Variants in PSMF1 observed in about 807,000 individuals in gnomAD.
PSMF1 encodes the protein proteasome inhibitor PI31 subunit.
PSMF1 carries 30 observed loss-of-function variants against 29.3 expected under a neutral mutation model. The ratio of observed to expected loss-of-function variants is 1.02; its 90% CI spans 0.77 to 1.39. The LOEUF is 1.39. Ranked by LOEUF, PSMF1 falls within the 40% of genes most tolerant of loss-of-function variation. PSMF1 has a pLI of 0.00. For synonymous variants in PSMF1, 134 were observed against 139.7 expected (o/e 0.96, Z 0.29); for missense variants, 344 against 357.5 (o/e 0.96, Z 0.31).
chr20:1,164,254 C>A lies in PSMF1; in HGVS notation c.606-64C>A. The A allele has an allele frequency of 6.7e-7, 1 of 1,497,288 alleles. No homozygotes were observed. 92.8% of individuals were successfully genotyped at this position (1,497,288 alleles called of 1,614,324 possible). A position where few individuals can be genotyped will look rare whatever the true frequency, so the allele number is the denominator to read the frequency against. On this transcript the variant is annotated intron_variant, in intron 5 of 6. Coordinates refer to ENST00000335877, the MANE Select transcript of PSMF1 (RefSeq NM_006814.5). This position sits in a 1 kb window ranked among gnomAD's most constrained non-coding sequence, Gnocchi z 4.1. The stretch of plus-strand genomic sequence containing the variant: ...CCATTCTTGGTGCATTGTAACCTCC[C>A]TCGCCTTTTCTCCAAGGGCAGTCCT...
chr20:1,118,592 G>T, upstream of PSMF1: 2 of 685,642 alleles, frequency 2.9e-6, no homozygotes, highest in South Asian at 5.0e-5. Context: ...CCGCTGTTGG[G>T]ACTACTTCCG....
At chr20:1,158,468 A>C (rs941550091) in intron 4 of PSMF1, among the ~76,000 whole-genome samples, 1 of 152,220 alleles carries the variant, frequency 6.6e-6, no homozygotes, top group East Asian at 1.9e-4. Flanking sequence ...CCCAATGTCC[A>C]GAGCGCATCT....
Position 1,118,717 on chromosome 20 carries a change from C to T in PSMF1, c.-57C>T. 3.8e-6 allele frequency: 6 copies of T among 1,562,358 alleles called. No individual in the cohort carries two copies. Among genetic ancestry groups the T allele is most frequent in the Non-Finnish European group, 5.2e-6 (6 of 1,149,204 alleles). ...ATAGCTACCCCGGCCGCGGAGCCGG[C>T]TCACTGCACTACCCCCGCCCCCTTC... is the stretch of plus-strand genomic sequence containing the variant. On this transcript the variant is annotated 5_prime_UTR_variant, in exon 1 of 7. Coordinates refer to ENST00000335877, the MANE Select transcript of PSMF1 (RefSeq NM_006814.5).
intron 4 of PSMF1, among the ~76,000 whole-genome samples, chr20:1,140,981 C>T (rs2086373338): frequency 6.6e-6 from 1 of 152,088 alleles, no homozygotes; most frequent in African/African-American, 2.4e-5. Context: ...TATATGCTTA[C>T]AACTGAATAT....
chr20:1,118,847 T>G lies in PSMF1; in HGVS notation c.74T>G (p.Phe25Cys), dbSNP rs751811786. The change falls in exon 1 of 7, where the codon TTC becomes TGC. Residue 25 changes from phenylalanine to cysteine, a missense_variant. Phe to Cys is a radical substitution (Grantham distance 205, BLOSUM62 -2). Coordinates refer to ENST00000335877, the MANE Select transcript of PSMF1 (RefSeq NM_006814.5). ...ITCRQDALVC[F>C]LHWEVVTHGY... ...TGCAGGCAGGACGCGCTCGTCTGCT[T>G]CTTGCATTGGGAAGTGGTGACACAC... The G allele has an allele frequency of 1.8e-5, 29 of 1,613,798 alleles. No individual in the cohort carries two copies. Among genetic ancestry groups the G allele is most frequent in the Non-Finnish European group, 3.4e-6 (4 of 1,179,782 alleles).
chr20:1,146,145 T>G (rs2122550103), intron 4 of PSMF1, among the ~76,000 whole-genome samples: 1 of 152,290 alleles, frequency 6.6e-6, no homozygotes, highest in East Asian at 1.9e-4. Context: ...TAATTGCTGT[T>G]ACAGAGGTTA....
rs550262417 is a variant in PSMF1, at chr20:1,113,568, T to C, written c.-22+159T>C. Among the ~76,000 whole-genome samples, 65 of 152,000 alleles carry C rather than the reference T, an allele frequency of 4.3e-4. 1 individual carries two copies. In the South Asian group the frequency reaches 8.3e-3, roughly 19 times the overall value. ...GTTCAGGACAGGTGGAACATAGTCC[T>C]GGCCTTCAGGGGATTCACAGCCTAG... is the stretch of plus-strand genomic sequence containing the variant. On this transcript the variant is annotated intron_variant, in intron 1 of 7. Coordinates refer to the PSMF1 transcript ENST00000333082.
chr20:1,134,510 GT>G (rs1441450567), intron 3 of PSMF1, among the ~76,000 whole-genome samples: 4 of 152,122 alleles, frequency 2.6e-5, no homozygotes, highest in Admixed American at 2.6e-4. Context: ...AAATACCAGT[GT>G]TTTAGGAAGC....
chr20:1,154,428 C>G (rs1405451474), intron 4 of PSMF1, among the ~76,000 whole-genome samples: 3 of 152,194 alleles, frequency 2.0e-5, no homozygotes, highest in Non-Finnish European at 4.4e-5. Context: ...GTTTATTGCT[C>G]TGTTTGCTCA....
At position 1,168,785 on chromosome 20, in the gene PSMF1, A is replaced by G. The variant is rs927365401; in HGVS notation, c.*3705A>G. On this transcript the variant is annotated 3_prime_UTR_variant, in exon 7 of 7. Transcript: ENST00000335877. Reference sequence around the variant, plus strand: ...CTTCACAGGAGGAATATTAGAATCTATGGAGCAGTTAGTATTCTTTGTCAC... The same window carrying G: ...CTTCACAGGAGGAATATTAGAATCTGTGGAGCAGTTAGTATTCTTTGTCAC... Among the ~76,000 whole-genome samples, 1 of 152,202 alleles carries G rather than the reference A, an allele frequency of 6.6e-6. No individual in the cohort carries two copies.
At chr20:1,141,005 A>C (rs910518298) in intron 4 of PSMF1, among the ~76,000 whole-genome samples, 2 of 152,268 alleles carry the variant, frequency 1.3e-5, no homozygotes, top group Non-Finnish European at 2.9e-5. Flanking sequence ...TATTACAGCA[A>C]TAAAAATGAA....
At chr20:1,135,533 C>G (rs937995510) in intron 4 of PSMF1, among the ~76,000 whole-genome samples, 1 of 152,212 alleles carries the variant, frequency 6.6e-6, no homozygotes, top group African/African-American at 2.4e-5. Flanking sequence ...TGCCTGATTT[C>G]TTTCTAGGGG....
rs2122641948 is a variant in PSMF1, at chr20:1,171,896, G to C, written c.*6816G>C. The stretch of plus-strand genomic sequence containing the variant: ...AGCAGTTCCATCCTCAAGGTTTCTT[G>C]GTTCCCAGGACAGAAATTTGAGTGA... On this transcript the variant is annotated 3_prime_UTR_variant, in exon 7 of 7. Coordinates refer to ENST00000335877, the MANE Select transcript of PSMF1 (RefSeq NM_006814.5). Among the ~76,000 whole-genome samples the C allele has an allele frequency of 6.6e-6, 1 of 152,356 alleles. No homozygotes were observed. The highest frequency in any genetic ancestry group is 1.5e-5 in the Non-Finnish European group (1 of 68,038).
intron 4 of PSMF1, among the ~76,000 whole-genome samples, chr20:1,138,625 G>C (rs1159464013): frequency 6.6e-6 from 1 of 151,862 alleles, no homozygotes; most frequent in Non-Finnish European, 1.5e-5. Context: ...GGAGCATTCA[G>C]TTAGCCTGGG....
chr20:1,133,570 T>TATATATATA (rs1555760108), intron 3 of PSMF1, among the ~76,000 whole-genome samples: 5 of 63,144 alleles, frequency 7.9e-5, no homozygotes, highest in Admixed American at 3.4e-4. Flanking sequence ...TATATATATA[T>TATATATATA]TTTTTTTTTT....
intron 4 of PSMF1, chr20:1,160,575 C>T (rs1228598076): frequency 4.3e-6 from 2 of 470,172 alleles, no homozygotes; most frequent in African/African-American, 2.0e-5. Context: ...AGCTCCTCCA[C>T]CGATCACAAT....
chr20:1,169,080 C>G lies in PSMF1; in HGVS notation c.*4000C>G. On this transcript the variant is annotated 3_prime_UTR_variant, in exon 7 of 7. Coordinates refer to ENST00000335877, the MANE Select transcript of PSMF1 (RefSeq NM_006814.5). ...AGATTGTAGCAATGATGATGTGATCCTGCTGCTCTCTGGACCGTAACCTTT... is the reference window on the plus strand; with the variant it reads ...AGATTGTAGCAATGATGATGTGATCGTGCTGCTCTCTGGACCGTAACCTTT... Among the ~76,000 whole-genome samples the G allele has an allele frequency of 6.6e-6, 1 of 152,190 alleles. No homozygotes were observed. Among genetic ancestry groups the G allele is most frequent in the South Asian group, 2.1e-4 (1 of 4,828 alleles).
chr20:1,125,839 C>G (rs2086148799), intron 2 of PSMF1, 189 bp downstream of exon 2: 1 of 768,258 alleles, frequency 1.3e-6, no homozygotes, highest in African/African-American at 1.7e-5. Context: ...AAGGTATCCA[C>G]CACCTGGAAT....
Position 1,169,810 on chromosome 20 carries a change from T to C in PSMF1, c.*4730T>C, listed in dbSNP as rs187710282. On this transcript the variant is annotated 3_prime_UTR_variant, in exon 7 of 7. Transcript: ENST00000335877. ...ACCTACATGGCCTCTCAAATGGTAC[T>C]GGCATGGAATATTGGGGAGATGTCT... 1.6e-3 allele frequency among the ~76,000 whole-genome samples: 249 copies of C among 152,352 alleles called. 1 individual carries two copies. Among genetic ancestry groups the C allele is most frequent in the Middle Eastern group, 0.014 (4 of 294 alleles).
Sources: gnomAD v4.1 joint callset for allele counts (sites outside exome capture counted in the v4.1 genomes callset) on GRCh38, gnomAD v4.1.1 for gene constraint, Gnocchi (gnomAD v3.1) non-coding constraint, MANE v1.5 for transcripts, NCBI Gene and HGNC (gene_info 2026-07-23, HGNC 2026-07-21) for gene names.